The following NAMPT variants were observed in gnomAD, a reference collection of about 807,000 sequenced individuals.
The protein encoded by NAMPT is nicotinamide phosphoribosyltransferase, also known as NAmPRTase.
A neutral mutation model predicts 58.7 loss-of-function variants in NAMPT; 7 were observed. The ratio of observed to expected loss-of-function variants is 0.12; its 90% CI spans 0.07 to 0.22. The LOEUF is 0.22. Among genes scored for constraint, NAMPT ranks in the 10% least tolerant of loss-of-function variants. The pLI is 1.00. For synonymous variants in NAMPT, 145 were observed against 198.1 expected, an observed-to-expected ratio of 0.73 and a Z score of 2.25; for missense variants, 271 against 567.9, an observed-to-expected ratio of 0.48 and a Z score of 5.31.
chr7:106,278,662 A>G (rs1056073394), intron 1 of NAMPT, among the ~76,000 whole-genome samples: 13 of 152,224 alleles, frequency 8.5e-5, no homozygotes, highest in Non-Finnish European at 1.8e-4. Context: ...TGTAGTAATA[A>G]ATATGACCAC....
rs780696820 is a variant in NAMPT at position 106,275,081 on chromosome 7, C to T, written c.215-32G>A. ...GAATATACATGTCCTGTTTACATTTCTAAAGGTGCATTCTGTGAGTTGCTG... is the reference window on the plus strand; with the variant it reads ...GAATATACATGTCCTGTTTACATTTTTAAAGGTGCATTCTGTGAGTTGCTG... On this transcript the variant is annotated intron_variant, in intron 2 of 10. Transcript: ENST00000222553. The T allele has an allele frequency of 2.9e-6, 4 of 1,367,094 alleles. No homozygotes were observed. The Admixed American group carries it at 5.3e-5, about 18-fold the overall frequency. 84.7% of individuals were successfully genotyped at this position (1,367,094 alleles called of 1,614,324 possible). A position where few individuals can be genotyped will look rare whatever the true frequency, so the allele number is the denominator to read the frequency against.
At chr7:106,277,996 T>TGTGTATCTGCCCAATTTC (rs2115825995) in intron 1 of NAMPT, among the ~76,000 whole-genome samples, 1 of 152,316 alleles carries the variant, frequency 6.6e-6, no homozygotes, top group African/African-American at 2.4e-5. Flanking sequence ...GGAAGAATAA[T>TGTGTATCTGCCCAATTTC]GTGTATCTGC....
At chr7:106,253,315 T>C (rs1028597462) in intron 9 of NAMPT, 164 bp from the exon 10 acceptor site, 2 of 664,060 alleles carry the variant, frequency 3.0e-6, no homozygotes, top group African/African-American at 1.8e-5. Flanking sequence ...CATAACACTT[T>C]AGCCTGTTTT....
In NAMPT at chr7:106,272,788, C is replaced by T. The variant is rs182048636; in HGVS notation, c.319-130G>A. On this transcript the variant is annotated intron_variant, in intron 3 of 10. Coordinates refer to ENST00000222553, the MANE Select transcript of NAMPT (RefSeq NM_005746.3). ...ATAGAAATTGCAATTGTAGATGTTA[C>T]TGTAATCTAGTCAGAATATCCTTAT... The T allele has an allele frequency of 1.2e-4, 102 of 879,554 alleles. 1 individual carries two copies. Among genetic ancestry groups the T allele is most frequent in the Non-Finnish European group, 9.3e-5 (53 of 569,470 alleles). 54.5% of individuals were successfully genotyped at this position (879,554 alleles called of 1,614,324 possible).
intron 4 of NAMPT, among the ~76,000 whole-genome samples, chr7:106,271,371 G>A (rs1244759423): frequency 1.3e-5 from 2 of 151,974 alleles, no homozygotes; most frequent in Non-Finnish European, 2.9e-5. Flanking sequence ...CCTATTTCCT[G>A]CTACCAACTC....
upstream of NAMPT, chr7:106,285,094 G>A (rs1347134452): frequency 2.2e-6 from 3 of 1,351,664 alleles, no homozygotes; most frequent in Non-Finnish European, 2.9e-6. Context: ...GGCGGCTCGC[G>A]TGCTCGCAGT....
intron 6 of NAMPT, among the ~76,000 whole-genome samples, chr7:106,267,835 C>T (rs528653023): frequency 0.017 from 259 of 15,584 alleles, 1 homozygote; most frequent in African/African-American, 0.04. Context: ...AGCGAGACTC[C>T]GTCTCAAAAA....
At chr7:106,268,713 C>T in intron 5 of NAMPT, 113 bp from the exon 6 acceptor site, 2 of 744,108 alleles carry the variant, frequency 2.7e-6, no homozygotes, top group South Asian at 3.3e-5. Context: ...TAAGAATTGT[C>T]TTTCTCTTAG....
intron 4 of NAMPT, among the ~76,000 whole-genome samples, chr7:106,270,872 T>G (rs1243100180): frequency 6.6e-6 from 1 of 152,172 alleles, no homozygotes; most frequent in Non-Finnish European, 1.5e-5. Context: ...GGAGAAATAA[T>G]AGTTGCTTTA....
intron 1 of NAMPT, among the ~76,000 whole-genome samples, chr7:106,279,069 A>G (rs1039986123): frequency 2.0e-5 from 3 of 152,208 alleles, no homozygotes; most frequent in Admixed American, 6.5e-5. Flanking sequence ...TATACTGAAA[A>G]TGTTCTTTGT....
rs1278772405 is a variant in NAMPT at position 106,251,147 on chromosome 7, T to C, written c.1412A>G (p.Tyr471Cys). 2 of 1,607,718 alleles carry C rather than the reference T, an allele frequency of 1.2e-6. No homozygotes were observed. The highest frequency in any genetic ancestry group is 2.2e-5 in the South Asian group (2 of 90,900). The change falls in exon 11 of 11, where the codon TAT (tyrosine) becomes TGT (cysteine). Residue 471 changes from tyrosine (Y) to cysteine (C), a missense_variant. By Grantham distance (194) the Tyr-to-Cys change is radical. Transcript: ENST00000222553. ...ATTTTTTCTTATTTCATCAAATGAA[T>C]AGCTTTTTGTCACCTTGCCATTCTT... Reference protein sequence around the residue: ...VFKNGKVTKSYSFDEIRKNAQ... With the variant: ...VFKNGKVTKSCSFDEIRKNAQ...
At chr7:106,264,928 T>C (rs962966915) in intron 6 of NAMPT, among the ~76,000 whole-genome samples, 1 of 151,948 alleles carries the variant, frequency 6.6e-6, no homozygotes, top group Non-Finnish European at 1.5e-5. Context: ...CCCCATACTG[T>C]CAATGGTATA....
chr7:106,273,930 G>GT (rs1018572073), intron 3 of NAMPT, among the ~76,000 whole-genome samples: 1 of 151,780 alleles, frequency 6.6e-6, no homozygotes, highest in Non-Finnish European at 1.5e-5. Context: ...TCTTTTCAAT[G>GT]TAAGAAACTT....
chr7:106,254,226 G>T, intron 9 of NAMPT, 138 bp downstream of exon 9: 3 of 846,698 alleles, frequency 3.5e-6, no homozygotes, highest in Non-Finnish European at 5.5e-6. Context: ...CCTTGTTTCT[G>T]AGTTAAGGTC....
At chr7:106,276,469 C>T (rs1792645359) in intron 2 of NAMPT, 1 of 152,344 alleles carries the variant, frequency 6.6e-6, no homozygotes. Flanking sequence ...TTAACAACTC[C>T]TTTACTTTGA....
intron 6 of NAMPT, among the ~76,000 whole-genome samples, chr7:106,265,592 C>A (rs1294578433): frequency 6.9e-6 from 1 of 144,732 alleles, no homozygotes; most frequent in East Asian, 1.9e-4. Context: ...AAAAAAAGTC[C>A]CTGCATGAGG....
intron 8 of NAMPT, among the ~76,000 whole-genome samples, chr7:106,256,278 AGTTTC>A (rs1792197851): frequency 6.6e-6 from 1 of 152,242 alleles, no homozygotes; most frequent in Non-Finnish European, 1.5e-5. Flanking sequence ...CTAAATAAGC[AGTTTC>A]ATTTTGGTAC....
At chr7:106,256,330 G>A (rs1264961652) in intron 8 of NAMPT, among the ~76,000 whole-genome samples, 2 of 152,206 alleles carry the variant, frequency 1.3e-5, no homozygotes, top group Admixed American at 1.3e-4. Flanking sequence ...GGTTTACACT[G>A]TCAACCTCAT....
In NAMPT at chr7:106,249,538, G is replaced by A. The variant is rs910377903; in HGVS notation, c.*1545C>T. The A allele has an allele frequency of 2.0e-5, 3 of 152,088 alleles. No homozygotes were observed. The highest frequency in any genetic ancestry group is 7.2e-5 in the African/African-American group (3 of 41,418). 9.4% of individuals were successfully genotyped at this position (152,088 alleles called of 1,614,324 possible). On this transcript the variant is annotated 3_prime_UTR_variant, in exon 11 of 11. Coordinates refer to ENST00000222553, the MANE Select transcript of NAMPT (RefSeq NM_005746.3). ...ATTATTTAGCCTCCTCCCTTCCCTAGAAACCAACATTTCCTTTTAAATGCA... is the reference window on the plus strand; with the variant it reads ...ATTATTTAGCCTCCTCCCTTCCCTAAAAACCAACATTTCCTTTTAAATGCA...
Sources: allele counts gnomAD v4.1 joint callset (sites outside exome capture counted in the v4.1 genomes callset), GRCh38; gene constraint gnomAD v4.1.1; transcripts MANE v1.5; gene names NCBI Gene and HGNC (gene_info 2026-07-23, HGNC 2026-07-21).